Variants in HIVEP1 observed in about 807,000 individuals in gnomAD.
The protein encoded by HIVEP1 is HIVEP zinc finger 1.
In HIVEP1, 36 loss-of-function variants were observed where a neutral mutation model predicts 180.0. The ratio of observed to expected loss-of-function variants is 0.20; its 90% CI spans 0.15 to 0.26. The LOEUF (loss-of-function observed/expected upper bound fraction) is 0.26, where lower values mean the gene tolerates loss of function less well. HIVEP1 is among the 10% of genes least tolerant of loss of function. HIVEP1 has a pLI of 1.00. For synonymous variants in HIVEP1, 1,239 were observed against 1,239.0 expected (o/e 1.00, Z 0.00); for missense variants, 3,143 against 3,268.7 (o/e 0.96, Z 0.94).
downstream of HIVEP1, among the ~76,000 whole-genome samples, chr6:12,166,707 G>A (rs1352252028): frequency 6.6e-6 from 1 of 152,074 alleles, no homozygotes; most frequent in Non-Finnish European, 1.5e-5. Flanking sequence ...AAATATAAAC[G>A]ACTTCCAAAT....
rs550798464 is a variant in HIVEP1, at chr6:12,161,719, A to G, written c.6768A>G (p.Arg2256=). The change falls in exon 8 of 9, where the codon AGA becomes AGG. Residue 2256 remains arginine, a synonymous_variant. Coordinates refer to ENST00000379388, the MANE Select transcript of HIVEP1 (RefSeq NM_002114.4). ...MDVLPRALLT[R]MTVLSTAQSD... ...TTCTGCCCAGGGCGCTGCTCACCAGAATGACTGTCCTGAGCACAGCACAGT... is the reference window on the plus strand; with the variant it reads ...TTCTGCCCAGGGCGCTGCTCACCAGGATGACTGTCCTGAGCACAGCACAGT... 1.2e-6 allele frequency: 2 copies of G among 1,614,154 alleles called. No individual in the cohort carries two copies. The highest frequency in any genetic ancestry group is 3.3e-5 in the Admixed American group (2 of 60,024).
chr6:12,187,533 C>A, the HIVEP1 span, among the ~76,000 whole-genome samples: 2 of 152,022 alleles, frequency 1.3e-5, no homozygotes, highest in Non-Finnish European at 2.9e-5. Context: ...GTGGCCCTTG[C>A]TGGATATAGA....
intron 3 of HIVEP1, among the ~76,000 whole-genome samples, chr6:12,109,011 G>C (rs1026093229): frequency 2.0e-5 from 3 of 151,936 alleles, no homozygotes; most frequent in Non-Finnish European, 4.4e-5. Context: ...ACAGACTCTC[G>C]CTCTGTCGCC....
At chr6:12,204,824 G>A in the HIVEP1 span, among the ~76,000 whole-genome samples, 14 of 152,100 alleles carry the variant, frequency 9.2e-5, no homozygotes, top group Non-Finnish European at 1.6e-4. Flanking sequence ...TGAAGCTTCC[G>A]GTGGGGTGAA....
At chr6:12,058,457 A>G (rs1029403115) in intron 2 of HIVEP1, among the ~76,000 whole-genome samples, 6 of 152,206 alleles carry the variant, frequency 3.9e-5, no homozygotes, top group Non-Finnish European at 8.8e-5. Context: ...CATTGATCTT[A>G]TAGCTGAAAG....
chr6:12,210,370 T>C, the HIVEP1 span, among the ~76,000 whole-genome samples: 18 of 152,226 alleles, frequency 1.2e-4, no homozygotes, highest in Admixed American at 1.2e-3. Flanking sequence ...TGGTATAATT[T>C]TGAAGCAGAT....
chr6:12,150,083 A>G (rs896060843), intron 7 of HIVEP1, among the ~76,000 whole-genome samples: 2 of 152,342 alleles, frequency 1.3e-5, no homozygotes, highest in East Asian at 1.9e-4. Context: ...AGAAGTTTCT[A>G]TTTAGTTTAA....
chr6:12,009,120 TGGC>T (rs950139776), upstream of HIVEP1, among the ~76,000 whole-genome samples: 10 of 146,052 alleles, frequency 6.8e-5, no homozygotes, highest in East Asian at 1.4e-3. Flanking sequence ...CGCGTGGCGG[TGGC>T]GGCGGCGGCG....
rs142589953 is a variant in HIVEP1 at position 12,163,154 on chromosome 6, ACAT to A, written c.6979-125_6979-123del. On this transcript the variant is annotated intron_variant, in intron 8 of 8. Coordinates refer to ENST00000379388, the MANE Select transcript of HIVEP1 (RefSeq NM_002114.4). ...TCGAAAAATAATTTCATTGCAGCAA[ACAT>A]CATTTTTATCAATGCAAATATACTT... 203 of 741,862 alleles carry A rather than the reference ACAT, an allele frequency of 2.7e-4. No individual in the cohort carries two copies. The African/African-American group carries it at 3.2e-3, about 12-fold the overall frequency. 46.0% of individuals were successfully genotyped at this position (741,862 alleles called of 1,614,324 possible). A position where few individuals can be genotyped will look rare whatever the true frequency, so the allele number is the denominator to read the frequency against.
intron 3 of HIVEP1, among the ~76,000 whole-genome samples, chr6:12,115,451 C>T (rs950657973): frequency 7.1e-6 from 1 of 140,634 alleles, no homozygotes; most frequent in Non-Finnish European, 1.5e-5. Context: ...GCTTTCCTTT[C>T]GAAGCCCAGG....
chr6:12,164,417 G>A lies in HIVEP1; in HGVS notation c.8113G>A (p.Val2705Met), dbSNP rs753813551. Residue 2705 changes from valine (V) to methionine (M), a missense_variant, in exon 9 of 9, where the codon GTG becomes ATG. By Grantham distance (21) the Val-to-Met change is conservative. Transcript: ENST00000379388. ...GCAGCCCACTGTGCACTTCAGCGAC[G>A]TGAGCAGCGATGATGACGAGGACAG... ...RRQPTVHFSD[V>M]SSDDDEDRLV... 61 of 1,613,624 alleles carry A rather than the reference G, an allele frequency of 3.8e-5. No individual in the cohort carries two copies. Among genetic ancestry groups the A allele is most frequent in the Non-Finnish European group, 4.5e-5 (53 of 1,179,910 alleles).
the HIVEP1 span, among the ~76,000 whole-genome samples, chr6:12,185,295 A>G: frequency 5.9e-5 from 9 of 152,362 alleles, no homozygotes; most frequent in South Asian, 1.9e-3. Flanking sequence ...AGTAGAGTTC[A>G]GGGCCACTGA....
downstream of HIVEP1, among the ~76,000 whole-genome samples, chr6:12,168,244 A>T (rs375193455): frequency 0.11 from 9,108 of 85,290 alleles, 762 homozygotes; most frequent in Middle Eastern, 0.3. Flanking sequence ...TATATATTAT[A>T]TATACAGATA....
chr6:12,097,044 A>G (rs115939176), intron 3 of HIVEP1, among the ~76,000 whole-genome samples: 1,603 of 152,142 alleles, frequency 0.011, 30 homozygotes, highest in African/African-American at 0.036. Flanking sequence ...TATTTTTGTG[A>G]GATGTCTGAA....
chr6:12,205,760 A>C, the HIVEP1 span, among the ~76,000 whole-genome samples: 1 of 152,222 alleles, frequency 6.6e-6, no homozygotes, highest in South Asian at 2.1e-4. Flanking sequence ...TGTACTAGAT[A>C]ATTATGAACT....
chr6:12,073,597 C>T (rs1772134394), intron 2 of HIVEP1, among the ~76,000 whole-genome samples: 1 of 152,176 alleles, frequency 6.6e-6, no homozygotes, highest in Non-Finnish European at 1.5e-5. Context: ...CTTCGCATCT[C>T]AGCCTTTAAG....
the HIVEP1 span, among the ~76,000 whole-genome samples, chr6:12,172,164 TC>T: frequency 6.6e-6 from 1 of 152,346 alleles, no homozygotes; most frequent in African/African-American, 2.4e-5. Flanking sequence ...TAATTAAAAG[TC>T]CCCATGACAT....
the HIVEP1 span, among the ~76,000 whole-genome samples, chr6:12,188,652 A>G: frequency 6.6e-6 from 1 of 152,116 alleles, no homozygotes; most frequent in Non-Finnish European, 1.5e-5. Flanking sequence ...TATAAGAAAT[A>G]TATAAGATCT....
the HIVEP1 span, among the ~76,000 whole-genome samples, chr6:12,178,996 G>T: frequency 5.9e-5 from 9 of 152,116 alleles, no homozygotes; most frequent in East Asian, 1.7e-3. Context: ...TTATACAATG[G>T]GATCCAATTT....
Sources: gnomAD v4.1 joint callset for allele counts (sites outside exome capture counted in the v4.1 genomes callset) on GRCh38, gnomAD v4.1.1 for gene constraint, MANE v1.5 for transcripts, NCBI Gene and HGNC (gene_info 2026-07-23, HGNC 2026-07-21) for gene names.